Variants in GMDS observed in about 807,000 individuals in gnomAD.
The protein encoded by GMDS is GDP-mannose 4,6-dehydratase, also known as GDP-mannose 4,6 dehydratase.
Under a neutral mutation model 49.9 loss-of-function variants are expected in GMDS, and 20 were observed. That is an observed-to-expected ratio of 0.40 (90% CI 0.28 to 0.58). The LOEUF is 0.58. GMDS is among the 20% of genes least tolerant of loss of function. The pLI is 0.42. For missense variants in GMDS, 362 were observed against 481.4 expected (o/e 0.75, Z 2.32); for synonymous variants, 177 against 178.6 (o/e 0.99, Z 0.07).
chr6:2,034,355 T>C (rs1387986579), intron 4 of GMDS, among the ~76,000 whole-genome samples: 1 of 152,136 alleles, frequency 6.6e-6, no homozygotes, highest in East Asian at 1.9e-4. Context: ...AATGAGCAAA[T>C]CTACAGAGAC....
chr6:2,167,026 A>G (rs1562114382), intron 1 of GMDS, among the ~76,000 whole-genome samples: 2 of 152,220 alleles, frequency 1.3e-5, no homozygotes, highest in African/African-American at 2.4e-5. Context: ...CAGCAAACCT[A>G]TGACACCTTC....
At chr6:1,626,610 T>TAGAC (rs1284495902) in intron 9 of GMDS, among the ~76,000 whole-genome samples, 32 of 152,348 alleles carry the variant, frequency 2.1e-4, no homozygotes, top group African/African-American at 7.5e-4. Context: ...CTATAGCGGC[T>TAGAC]AGACGGTGTG....
intron 2 of GMDS, among the ~76,000 whole-genome samples, chr6:2,124,096 G>T (rs376086600): frequency 1.3e-5 from 2 of 150,488 alleles, no homozygotes; most frequent in Non-Finnish European, 3.0e-5. Context: ...TCTGAAAAAC[G>T]TTCTTTAAAA....
chr6:1,834,815 C>T (rs1219990476), intron 7 of GMDS, among the ~76,000 whole-genome samples: 1 of 152,134 alleles, frequency 6.6e-6, no homozygotes, highest in Non-Finnish European at 1.5e-5. Context: ...GTCCCGGGAA[C>T]CCTGTTTGTT....
At chr6:1,748,636 T>C (rs896800705) in intron 7 of GMDS, among the ~76,000 whole-genome samples, 1 of 152,180 alleles carries the variant, frequency 6.6e-6, no homozygotes, top group African/African-American at 2.4e-5. Context: ...GTATTTTAGG[T>C]TTGTGAACCA....
At chr6:2,010,598 C>G (rs754751391) in intron 4 of GMDS, among the ~76,000 whole-genome samples, 1 of 151,972 alleles carries the variant, frequency 6.6e-6, no homozygotes, top group African/African-American at 2.4e-5. Context: ...CAAACAAGAG[C>G]TGAAAAAATT....
At chr6:2,008,330 A>G (rs1305524580) in intron 4 of GMDS, among the ~76,000 whole-genome samples, 1 of 152,230 alleles carries the variant, frequency 6.6e-6, no homozygotes, top group Non-Finnish European at 1.5e-5. Flanking sequence ...AAAACAAAAT[A>G]TATGGCTTTG....
chr6:1,765,036 T>G (rs1581155473), intron 7 of GMDS, among the ~76,000 whole-genome samples: 1 of 152,162 alleles, frequency 6.6e-6, no homozygotes, highest in East Asian at 1.9e-4. Context: ...TGGGCACATT[T>G]TTTTCCCCCC....
chr6:1,955,227 C>T (rs142756283), intron 6 of GMDS, among the ~76,000 whole-genome samples: 1 of 152,158 alleles, frequency 6.6e-6, no homozygotes, highest in African/African-American at 2.4e-5. Flanking sequence ...AGAAAAAGTA[C>T]AGTAAAAATG....
intron 1 of GMDS, among the ~76,000 whole-genome samples, chr6:2,162,711 A>C (rs3778562): frequency 1.6e-5 from 2 of 122,310 alleles, no homozygotes; most frequent in Non-Finnish European, 3.7e-5. Flanking sequence ...CACACACACA[A>C]AACTTTCCTG....
At chr6:2,219,075 C>T (rs553468342) in intron 1 of GMDS, among the ~76,000 whole-genome samples, 4 of 152,046 alleles carry the variant, frequency 2.6e-5, no homozygotes, top group East Asian at 3.9e-4. Flanking sequence ...CCAGCCTGGG[C>T]GACAGAGCAA....
chr6:2,110,201 C>G (rs564795732), intron 4 of GMDS, among the ~76,000 whole-genome samples: 2 of 152,084 alleles, frequency 1.3e-5, no homozygotes, highest in African/African-American at 2.4e-5. Context: ...GCCCTTCCCC[C>G]CCATAATGCA....
intron 7 of GMDS, among the ~76,000 whole-genome samples, chr6:1,890,685 T>G (rs1759828108): frequency 6.6e-6 from 1 of 152,206 alleles, no homozygotes; most frequent in Non-Finnish European, 1.5e-5. Context: ...ACCTGTGTTT[T>G]CAATCAATCA....
intron 4 of GMDS, among the ~76,000 whole-genome samples, chr6:2,068,936 CA>C (rs1478369748): frequency 6.6e-6 from 1 of 152,030 alleles, no homozygotes; most frequent in African/African-American, 2.4e-5. Context: ...CATATGGAAC[CA>C]AAAAACAGCC....
rs17134303 is a variant in GMDS at position 1,782,285 on chromosome 6, A to C, written c.772-39699T>G. Among the ~76,000 whole-genome samples the C allele has an allele frequency of 1.4e-3, 208 of 152,362 alleles. 2 individuals carry two copies. Among genetic ancestry groups the C allele is most frequent in the African/African-American group, 3.6e-3 (150 of 41,594 alleles). On this transcript the variant is annotated intron_variant, in intron 7 of 10. Transcript: ENST00000380815. The stretch of plus-strand genomic sequence containing the variant: ...ACACCAAACCAATAAGCCTAAACAT[A>C]GGTGTACTGTAGGAGTCACTGTTTC...
At chr6:1,624,793 T>A in intron 9 of GMDS, 1 of 237,816 alleles carries the variant, frequency 4.2e-6, no homozygotes, top group Non-Finnish European at 8.1e-6. Flanking sequence ...CCTCCACACC[T>A]CTTCTCCCCA....
At chr6:2,124,520 G>A (rs1562077429) in intron 2 of GMDS, among the ~76,000 whole-genome samples, 167 bp downstream of exon 2, 1 of 152,218 alleles carries the variant, frequency 6.6e-6, no homozygotes, top group African/African-American at 2.4e-5. Flanking sequence ...ACAGCACAAT[G>A]GGTTGGCAGG....
intron 9 of GMDS, among the ~76,000 whole-genome samples, chr6:1,694,749 C>A (rs939874116): frequency 6.6e-6 from 1 of 152,176 alleles, no homozygotes; most frequent in Non-Finnish European, 1.5e-5. Flanking sequence ...TAAACAATTA[C>A]GTCGTGAAGG....
Position 1,623,904 on chromosome 6 carries a change from A to C in GMDS, c.*265T>G, listed in dbSNP as rs537935292. ...AACAACATAATTTCAAGTAAAGTGAATGTGATTAAAACATCTTGATTTCAC... is the reference window on the plus strand; with the variant it reads ...AACAACATAATTTCAAGTAAAGTGACTGTGATTAAAACATCTTGATTTCAC... On this transcript the variant is annotated 3_prime_UTR_variant, in exon 11 of 11. Coordinates refer to ENST00000380815, the MANE Select transcript of GMDS (RefSeq NM_001500.4). 2.1e-6 allele frequency: 1 copy of C among 466,952 alleles called. No homozygotes were observed. Among genetic ancestry groups the C allele is most frequent in the South Asian group, 4.5e-5 (1 of 22,322 alleles). The allele number at this position is 466,952 out of a possible 1,614,324, so 28.9% of individuals were successfully genotyped here.
Sources: allele counts gnomAD v4.1 joint callset (sites outside exome capture counted in the v4.1 genomes callset), GRCh38; gene constraint gnomAD v4.1.1; transcripts MANE v1.5; gene names NCBI Gene and HGNC (gene_info 2026-07-23, HGNC 2026-07-21).